The following SYNPR variants were observed in gnomAD, a reference collection of about 807,000 sequenced individuals.
The protein encoded by SYNPR is synaptoporin.
A neutral mutation model predicts 32.9 loss-of-function variants in SYNPR; 23 were observed. The ratio of observed to expected loss-of-function variants is 0.70; its 90% confidence interval spans 0.50 to 0.99. SYNPR has a LOEUF of 0.99. Among genes scored for constraint, SYNPR ranks in the 50% least tolerant of loss-of-function variants. The pLI is 0.00. For synonymous variants in SYNPR, 146 were observed against 135.9 expected (o/e 1.07, Z -0.52); for missense variants, 318 against 349.3 (o/e 0.91, Z 0.71).
intron 2 of SYNPR, among the ~76,000 whole-genome samples, chr3:63,338,621 T>A (rs1008261189): frequency 2.0e-5 from 3 of 152,188 alleles, no homozygotes; most frequent in African/African-American, 7.2e-5. Context: ...GATTATATAC[T>A]ATATTGTATT....
chr3:63,426,933 A>G (rs902149858), intron 2 of SYNPR: 1 of 152,188 alleles, frequency 6.6e-6, no homozygotes, highest in Non-Finnish European at 1.5e-5. Flanking sequence ...ATTAATTTAA[A>G]ATAATTTTAA....
intron 4 of SYNPR, among the ~76,000 whole-genome samples, chr3:63,572,266 C>T (rs61648237): frequency 0.3 from 45,399 of 151,102 alleles, 7,228 homozygotes; most frequent in South Asian, 0.43. Context: ...TTTAACTGTG[C>T]TTTCTTCTCC....
intron 2 of SYNPR, among the ~76,000 whole-genome samples, chr3:63,336,618 C>A (rs1330167825): frequency 7.4e-6 from 1 of 135,666 alleles, no homozygotes; most frequent in African/African-American, 2.8e-5. Context: ...TAGATGGAGA[C>A]CTGAATGTAA....
intron 2 of SYNPR, chr3:63,452,203 G>T: frequency 1.6e-6 from 1 of 618,412 alleles, no homozygotes; most frequent in Non-Finnish European, 3.0e-6. Flanking sequence ...GCAGCCACTG[G>T]GTGCCGGGTT....
At chr3:63,425,352 A>C (rs543198091) in intron 2 of SYNPR, among the ~76,000 whole-genome samples, 17 of 152,308 alleles carry the variant, frequency 1.1e-4, no homozygotes, top group African/African-American at 3.6e-4. Context: ...ACAATAATAG[A>C]CATTACTTAA....
intron 2 of SYNPR, among the ~76,000 whole-genome samples, chr3:63,366,696 G>C (rs1252085476): frequency 6.6e-6 from 1 of 152,166 alleles, no homozygotes; most frequent in Non-Finnish European, 1.5e-5. Flanking sequence ...GTTACAATGA[G>C]TAGTCCTGAG....
At chr3:63,232,492 A>G (rs2086174157) in intron 1 of SYNPR, among the ~76,000 whole-genome samples, 2 of 152,120 alleles carry the variant, frequency 1.3e-5, no homozygotes, top group Non-Finnish European at 2.9e-5. Flanking sequence ...CGTGAGCCAC[A>G]CCGTGCCCTG....
intron 4 of SYNPR, among the ~76,000 whole-genome samples, chr3:63,583,372 C>T (rs1420375687): frequency 6.6e-6 from 1 of 152,028 alleles, no homozygotes; most frequent in Non-Finnish European, 1.5e-5. Flanking sequence ...GCTAAGAGGC[C>T]TGACATTCCT....
chr3:63,362,979 C>A (rs923135811), intron 2 of SYNPR, among the ~76,000 whole-genome samples: 1 of 152,160 alleles, frequency 6.6e-6, no homozygotes, highest in Non-Finnish European at 1.5e-5. Flanking sequence ...ATTATCCAAA[C>A]AATTGCAGGA....
At chr3:63,583,211 G>A (rs1317741618) in intron 4 of SYNPR, among the ~76,000 whole-genome samples, 1 of 152,006 alleles carries the variant, frequency 6.6e-6, no homozygotes, top group Non-Finnish European at 1.5e-5. Context: ...AGTCATAATG[G>A]TGGAATGTCA....
rs530077790 is a variant in SYNPR, at chr3:63,258,078, T to C, written n.154+5492T>C. On this transcript the variant is annotated intron_variant and non_coding_transcript_variant, in intron 2 of 4. Transcript: ENST00000478456. ...GCACCCAGATCCATAAAGCAAGTCC[T>C]TAGAGACCTAGAAAGAGACTTAGAC... 4.0e-3 allele frequency among the ~76,000 whole-genome samples: 608 copies of C among 152,236 alleles called. 3 individuals carry two copies. The highest frequency in any genetic ancestry group is 0.014 in the African/African-American group (563 of 41,506).
intron 4 of SYNPR, among the ~76,000 whole-genome samples, chr3:63,589,037 C>T (rs1020287014): frequency 1.3e-5 from 2 of 152,068 alleles, no homozygotes; most frequent in Admixed American, 1.3e-4. Flanking sequence ...TATCAACATG[C>T]ATTTTTCCTA....
chr3:63,339,868 G>T (rs2087341671), intron 2 of SYNPR, among the ~76,000 whole-genome samples: 1 of 152,106 alleles, frequency 6.6e-6, no homozygotes, highest in South Asian at 2.1e-4. Flanking sequence ...TGTTGGCCAG[G>T]CTGGTCTCGA....
chr3:63,554,168 G>A (rs543131934), intron 3 of SYNPR, among the ~76,000 whole-genome samples: 17 of 152,208 alleles, frequency 1.1e-4, no homozygotes, highest in East Asian at 3.9e-4. Flanking sequence ...ATTTTCTCCC[G>A]TCCTGTAGGT....
intron 2 of SYNPR, among the ~76,000 whole-genome samples, chr3:63,391,203 T>C (rs1016345686): frequency 6.6e-6 from 1 of 152,188 alleles, no homozygotes; most frequent in Non-Finnish European, 1.5e-5. Context: ...TCATCCTTCC[T>C]GGTCCCTCCC....
chr3:63,222,358 G>C, the SYNPR span, among the ~76,000 whole-genome samples: 4 of 152,038 alleles, frequency 2.6e-5, no homozygotes, highest in Non-Finnish European at 5.9e-5. Flanking sequence ...TTGAGTTTGA[G>C]TAAAAGAGTC....
intron 2 of SYNPR, among the ~76,000 whole-genome samples, chr3:63,404,391 T>C (rs1310582171): frequency 6.6e-6 from 1 of 152,194 alleles, no homozygotes; most frequent in Non-Finnish European, 1.5e-5. Context: ...TAGTCTCACA[T>C]GAATTATGTA....
chr3:63,601,086 C>T (rs1479997955), intron 4 of SYNPR, among the ~76,000 whole-genome samples: 2 of 151,888 alleles, frequency 1.3e-5, no homozygotes, highest in Non-Finnish European at 2.9e-5. Context: ...CAGCCTGACC[C>T]ACATGGAGAA....
chr3:63,446,474 T>G (rs1700278981), intron 2 of SYNPR, among the ~76,000 whole-genome samples: 1 of 152,036 alleles, frequency 6.6e-6, no homozygotes, highest in Admixed American at 6.6e-5. Context: ...ACCTGAGCAG[T>G]GGGCTCCCCA....
Sources: gnomAD v4.1 joint callset for allele counts (sites outside exome capture counted in the v4.1 genomes callset) on GRCh38, gnomAD v4.1.1 for gene constraint, MANE v1.5 for transcripts, NCBI Gene and HGNC (gene_info 2026-07-23, HGNC 2026-07-21) for gene names.